Variants in RALGAPA2 observed in about 807,000 individuals in gnomAD.
RALGAPA2 encodes ral GTPase-activating protein subunit alpha-2.
In RALGAPA2, 139 loss-of-function variants were observed where a neutral mutation model predicts 230.4. That is an observed-to-expected ratio of 0.60 (90% CI 0.53 to 0.69). The LOEUF is 0.69. Ranked by LOEUF, RALGAPA2 falls within the 30% of genes least tolerant of loss-of-function variation. RALGAPA2 has a pLI of 0.00. For synonymous variants in RALGAPA2, 847 were observed against 837.8 expected, an observed-to-expected ratio of 1.01 and a Z score of -0.19; for missense variants, 2,163 against 2,276.0, an observed-to-expected ratio of 0.95 and a Z score of 1.01.
intron 24 of RALGAPA2, among the ~76,000 whole-genome samples, chr20:20,545,755 C>T (rs2063759416): frequency 6.6e-6 from 1 of 152,152 alleles, no homozygotes; most frequent in Non-Finnish European, 1.5e-5. Flanking sequence ...TAACAGTATT[C>T]TCTCAAAAAG....
intron 22 of RALGAPA2, 68 bp from the exon 23 acceptor site, chr20:20,571,681 C>T (rs1373503156): frequency 3.9e-6 from 6 of 1,538,338 alleles, no homozygotes; most frequent in Non-Finnish European, 4.4e-6. Flanking sequence ...ATTTCATTTA[C>T]TTCTCAGTTT....
intron 23 of RALGAPA2, among the ~76,000 whole-genome samples, chr20:20,547,602 C>G (rs546357298): frequency 2.6e-5 from 4 of 152,202 alleles, no homozygotes; most frequent in Non-Finnish European, 1.5e-5. Context: ...TTCATGCCAT[C>G]CATGGCCAGG....
intron 37 of RALGAPA2, among the ~76,000 whole-genome samples, chr20:20,414,283 G>T (rs571547753): frequency 1.3e-5 from 2 of 152,178 alleles, no homozygotes; most frequent in African/African-American, 2.4e-5. Context: ...GAGCAAGCAC[G>T]TCCCTCTAAA....
intron 37 of RALGAPA2, among the ~76,000 whole-genome samples, chr20:20,435,587 G>T (rs529817551): frequency 6.6e-6 from 1 of 152,230 alleles, no homozygotes; most frequent in Admixed American, 6.5e-5. Flanking sequence ...AATGTTGGCT[G>T]CTGCAGAGCT....
intron 37 of RALGAPA2, among the ~76,000 whole-genome samples, chr20:20,459,994 G>C (rs2061264368): frequency 6.6e-6 from 1 of 152,168 alleles, no homozygotes; most frequent in Non-Finnish European, 1.5e-5. Context: ...ACCCATCCTG[G>C]CTGTGAAGCC....
chr20:20,422,188 ATGT>A (rs1268763526), intron 37 of RALGAPA2, among the ~76,000 whole-genome samples: 3 of 152,046 alleles, frequency 2.0e-5, no homozygotes, highest in Non-Finnish European at 2.9e-5. Flanking sequence ...GGTGATAAAA[ATGT>A]TGTGGAATTG....
chr20:20,524,292 A>G lies in RALGAPA2; in HGVS notation c.3900+114T>C, dbSNP rs1602645248. ...TTTTTAAGAAAACGTTTAAGCCACC[A>G]TAAATCCTTTTCAAAAGGGCAATGA... On this transcript the variant is annotated intron_variant, in intron 30 of 39. Coordinates refer to ENST00000202677, the MANE Select transcript of RALGAPA2 (RefSeq NM_020343.4). 4.3e-6 allele frequency: 6 copies of G among 1,392,762 alleles called. No homozygotes were observed. The East Asian group carries it at 1.5e-4, about 34-fold the overall frequency. The allele number at this position is 1,392,762 out of a possible 1,614,324, so 86.3% of individuals were successfully genotyped here. A position where few individuals can be genotyped will look rare whatever the true frequency, so the allele number is the denominator to read the frequency against.
intron 16 of RALGAPA2, among the ~76,000 whole-genome samples, chr20:20,599,981 T>A (rs28629407): frequency 0.028 from 3,910 of 142,116 alleles, 183 homozygotes; most frequent in African/African-American, 0.099. Flanking sequence ...TCAAAAAAAA[T>A]AAAAAATAAA....
intron 37 of RALGAPA2, among the ~76,000 whole-genome samples, chr20:20,445,660 T>C (rs1241641266): frequency 6.6e-6 from 1 of 152,232 alleles, no homozygotes; most frequent in Non-Finnish European, 1.5e-5. Flanking sequence ...CTCCAAACAG[T>C]ACTTTCCTCT....
At chr20:20,563,412 T>G (rs2064314857) in intron 23 of RALGAPA2, among the ~76,000 whole-genome samples, 1 of 152,240 alleles carries the variant, frequency 6.6e-6, no homozygotes, top group Non-Finnish European at 1.5e-5. Context: ...TTAATAATTA[T>G]AAATACATTT....
intron 37 of RALGAPA2, 40 bp downstream of exon 37, chr20:20,472,789 G>C (rs769896016): frequency 6.3e-7 from 1 of 1,581,162 alleles, no homozygotes; most frequent in East Asian, 2.3e-5. Context: ...TCTTGATTCT[G>C]GGATGGTTAG....
intron 23 of RALGAPA2, among the ~76,000 whole-genome samples, chr20:20,569,617 T>C (rs917134935): frequency 1.3e-5 from 2 of 152,196 alleles, no homozygotes; most frequent in South Asian, 2.1e-4. Flanking sequence ...GTCTATACTA[T>C]AAAATTGTAT....
intron 13 of RALGAPA2, among the ~76,000 whole-genome samples, chr20:20,615,790 G>A (rs1414191331): frequency 6.6e-6 from 1 of 152,142 alleles, no homozygotes; most frequent in African/African-American, 2.4e-5. Flanking sequence ...TATGTTTAAC[G>A]TTTAAAAGGA....
intron 13 of RALGAPA2, among the ~76,000 whole-genome samples, chr20:20,612,507 C>G (rs2066006058): frequency 6.6e-6 from 1 of 152,206 alleles, no homozygotes; most frequent in Non-Finnish European, 1.5e-5. Context: ...ATATATGATG[C>G]TGAACCTCAT....
chr20:20,450,048 A>G (rs1465146114), intron 37 of RALGAPA2, among the ~76,000 whole-genome samples: 1 of 152,174 alleles, frequency 6.6e-6, no homozygotes, highest in East Asian at 1.9e-4. Flanking sequence ...TCTCTTTCTC[A>G]TTATACATGG....
chr20:20,570,421 C>A (rs369798320), intron 23 of RALGAPA2, among the ~76,000 whole-genome samples: 2 of 152,020 alleles, frequency 1.3e-5, no homozygotes, highest in South Asian at 4.1e-4. Context: ...ATACCTTCAA[C>A]GAATACAAAA....
At chr20:20,564,925 A>G (rs1368046159) in intron 23 of RALGAPA2, among the ~76,000 whole-genome samples, 1 of 152,224 alleles carries the variant, frequency 6.6e-6, no homozygotes, top group Non-Finnish European at 1.5e-5. Context: ...ATAAACCTAT[A>G]GTTTTTTTTA....
At chr20:20,586,292 C>T (rs2065131757) in intron 18 of RALGAPA2, among the ~76,000 whole-genome samples, 1 of 152,138 alleles carries the variant, frequency 6.6e-6, no homozygotes, top group African/African-American at 2.4e-5. Context: ...AAGGGTAAAT[C>T]CAATAGTACC....
Position 20,606,222 on chromosome 20 carries a change from TC to T in RALGAPA2, c.1801-811del, listed in dbSNP as rs1458513948. Among the ~76,000 whole-genome samples the T allele has an allele frequency of 2.6e-5, 4 of 152,188 alleles. No individual in the cohort carries two copies. In the East Asian group the frequency reaches 7.7e-4, roughly 29 times the overall value. On this transcript the variant is annotated intron_variant, in intron 14 of 39. Coordinates refer to ENST00000202677, the MANE Select transcript of RALGAPA2 (RefSeq NM_020343.4). ...CACCCGCTCCATCTCCACTTCCTCA[TC>T]CCCCAGGCAACAGACTGCTCTGGTT...
Sources: gnomAD v4.1 joint callset for allele counts (sites outside exome capture counted in the v4.1 genomes callset) on GRCh38, gnomAD v4.1.1 for gene constraint, MANE v1.5 for transcripts, NCBI Gene and HGNC (gene_info 2026-07-23, HGNC 2026-07-21) for gene names.